Variants in KCNIP4 observed in about 807,000 individuals in gnomAD.
KCNIP4 encodes the protein potassium voltage-gated channel interacting protein 4, also known as Kv channel-interacting protein 4.
In KCNIP4, 12 loss-of-function variants were observed where a neutral mutation model predicts 34.0. The observed-to-expected ratio is 0.35, with a 90% CI of 0.23 to 0.57. KCNIP4 has a LOEUF of 0.57. Among genes scored for constraint, KCNIP4 ranks in the 20% least tolerant of loss-of-function variants. KCNIP4 has a pLI of 0.83. For missense variants in KCNIP4, 238 were observed against 311.7 expected (o/e 0.76, Z 1.78); for synonymous variants, 124 against 102.2 (o/e 1.21, Z -1.29).
At chr4:21,237,459 T>A (rs1020487733) in intron 1 of KCNIP4, among the ~76,000 whole-genome samples, 25 of 152,036 alleles carry the variant, frequency 1.6e-4, no homozygotes, top group South Asian at 2.1e-4. Flanking sequence ...CCTGGTCCTA[T>A]CAAGCCCTCA....
At chr4:21,398,771 T>C (rs1318690628) in intron 1 of KCNIP4, among the ~76,000 whole-genome samples, 2 of 152,202 alleles carry the variant, frequency 1.3e-5, no homozygotes, top group East Asian at 3.8e-4. Flanking sequence ...TTTCTTTCTT[T>C]CTCACTTTTT....
At chr4:21,358,003 G>C (rs530234925) in intron 1 of KCNIP4, among the ~76,000 whole-genome samples, 1 of 152,248 alleles carries the variant, frequency 6.6e-6, no homozygotes, top group Non-Finnish European at 1.5e-5. Flanking sequence ...AAAAGGATGA[G>C]TTCACATCCT....
intron 1 of KCNIP4, among the ~76,000 whole-genome samples, chr4:21,756,916 T>C (rs959701539): frequency 5.3e-5 from 8 of 151,580 alleles, no homozygotes; most frequent in Non-Finnish European, 1.2e-4. Flanking sequence ...GGCCATGATG[T>C]GAAATCCCTA....
chr4:20,750,356 T>C (rs1753384695), intron 4 of KCNIP4, among the ~76,000 whole-genome samples: 2 of 152,148 alleles, frequency 1.3e-5, no homozygotes, highest in Non-Finnish European at 2.9e-5. Context: ...ATTGGGGTCA[T>C]TGGTGACTTG....
intron 1 of KCNIP4, among the ~76,000 whole-genome samples, chr4:21,830,537 G>A (rs1055590300): frequency 1.1e-4 from 16 of 151,892 alleles, no homozygotes; most frequent in African/African-American, 3.9e-4. Flanking sequence ...AAATTCGCCG[G>A]GTGCCACTGT....
At chr4:20,885,095 C>G (rs1333849393) in intron 1 of KCNIP4, among the ~76,000 whole-genome samples, 1 of 152,142 alleles carries the variant, frequency 6.6e-6, no homozygotes, top group East Asian at 1.9e-4. Context: ...AAGACCTCCT[C>G]CCTCCCCTGC....
chr4:21,123,213 A>AG (rs1406058959), intron 1 of KCNIP4, among the ~76,000 whole-genome samples: 4 of 151,782 alleles, frequency 2.6e-5, no homozygotes, highest in Non-Finnish European at 5.9e-5. Flanking sequence ...GTTAAAAAAA[A>AG]AAAATTACTG....
intron 3 of KCNIP4, among the ~76,000 whole-genome samples, chr4:20,820,622 G>A (rs1169622240): frequency 6.6e-6 from 1 of 152,190 alleles, no homozygotes; most frequent in African/African-American, 2.4e-5. Flanking sequence ...AAGGAAGCCA[G>A]ATGCAATTCA....
At chr4:21,796,648 T>C (rs956052317) in intron 1 of KCNIP4, among the ~76,000 whole-genome samples, 1 of 152,246 alleles carries the variant, frequency 6.6e-6, no homozygotes, top group Non-Finnish European at 1.5e-5. Flanking sequence ...ATCATCTATA[T>C]GTGTGTTATC....
chr4:21,482,366 G>A (rs980919168), intron 1 of KCNIP4, among the ~76,000 whole-genome samples: 1 of 152,090 alleles, frequency 6.6e-6, no homozygotes, highest in African/African-American at 2.4e-5. Flanking sequence ...GATATTAGCA[G>A]GTTATTTTGC....
intron 3 of KCNIP4, among the ~76,000 whole-genome samples, chr4:20,839,576 AG>A (rs561237392): frequency 1.2e-3 from 174 of 151,198 alleles, no homozygotes; most frequent in Non-Finnish European, 1.9e-3. Context: ...AAAGTTTGAG[AG>A]GGGGAAAAAG....
chr4:21,397,031 A>T (rs2109536770), intron 1 of KCNIP4, among the ~76,000 whole-genome samples: 1 of 152,360 alleles, frequency 6.6e-6, no homozygotes, highest in African/African-American at 2.4e-5. Flanking sequence ...GGGGAAAATA[A>T]AAAGTAATAT....
intron 1 of KCNIP4, among the ~76,000 whole-genome samples, chr4:21,937,452 C>A (rs1042482708): frequency 1.6e-4 from 24 of 152,082 alleles, no homozygotes; most frequent in African/African-American, 5.6e-4. Context: ...GATATCCCAA[C>A]TAATGGTACT....
At chr4:20,731,658 A>T in intron 8 of KCNIP4, 2 of 985,170 alleles carry the variant, frequency 2.0e-6, no homozygotes, top group South Asian at 9.4e-5. Context: ...TGGAGATATG[A>T]TAGATAATAT....
At chr4:21,882,603 T>C (rs533961048) in intron 1 of KCNIP4, among the ~76,000 whole-genome samples, 2 of 152,226 alleles carry the variant, frequency 1.3e-5, no homozygotes, top group South Asian at 2.1e-4. Flanking sequence ...CGGAAGCATG[T>C]AGGAGACCAG....
chr4:20,808,585 C>T (rs538196085), intron 3 of KCNIP4, among the ~76,000 whole-genome samples: 68 of 152,290 alleles, frequency 4.5e-4, no homozygotes, highest in African/African-American at 1.4e-3. Flanking sequence ...TTGCCTCACT[C>T]GGTGCACTTT....
intron 1 of KCNIP4, among the ~76,000 whole-genome samples, chr4:21,512,071 AGGAAAGAAGGAAGGAAGGAG>A (rs1452421380): frequency 2.2e-5 from 3 of 134,756 alleles, no homozygotes; most frequent in Non-Finnish European, 3.3e-5. Context: ...GAAGGAAGGA[AGGAAAGAAGGAAGGAAGGAG>A]GGAGGGAGGG....
At chr4:20,965,811 T>G (rs1560607078) in intron 1 of KCNIP4, among the ~76,000 whole-genome samples, 1 of 152,216 alleles carries the variant, frequency 6.6e-6, no homozygotes, top group Non-Finnish European at 1.5e-5. Context: ...AGCTATATGT[T>G]AGTTTTATTG....
chr4:21,380,471 G>A (rs1037791194), intron 1 of KCNIP4, among the ~76,000 whole-genome samples: 1 of 150,666 alleles, frequency 6.6e-6, no homozygotes, highest in Non-Finnish European at 1.5e-5. Context: ...GAGAGAGAGA[G>A]AGAGGGAGAG....
Sources: gnomAD v4.1 joint callset for allele counts (sites outside exome capture counted in the v4.1 genomes callset) on GRCh38, gnomAD v4.1.1 for gene constraint, MANE v1.5 for transcripts, NCBI Gene and HGNC (gene_info 2026-07-23, HGNC 2026-07-21) for gene names.